Variants in CDH12 observed in about 807,000 individuals in gnomAD.
CDH12 encodes the protein cadherin-12.
Under a neutral mutation model 74.1 loss-of-function variants are expected in CDH12, and 41 were observed. That is an observed-to-expected ratio of 0.55 (90% CI 0.43 to 0.72). CDH12 has a LOEUF of 0.72. Among genes scored for constraint, CDH12 ranks in the 30% least tolerant of loss-of-function variants. The probability of loss-of-function intolerance (pLI) is 0.00; values close to 1 mark genes in which losing one functional copy is unlikely to be tolerated. For synonymous variants in CDH12, 399 were observed against 355.0 expected (o/e 1.12, Z -1.39); for missense variants, 945 against 977.2 (o/e 0.97, Z 0.44).
rs529149209 is a variant in CDH12, at chr5:21,973,601, T to G, written c.526+1490A>C. On this transcript the variant is annotated intron_variant, in intron 6 of 14. Coordinates refer to ENST00000382254, the MANE Select transcript of CDH12 (RefSeq NM_004061.5). The stretch of plus-strand genomic sequence containing the variant: ...ATACTGTAGAGGCATGTGTGTGTGT[T>G]TGCTTTAAGGAAGCTGTTTTGGTAC... 5.9e-5 allele frequency among the ~76,000 whole-genome samples: 9 copies of G among 152,310 alleles called. 1 individual carries two copies. The highest frequency in any genetic ancestry group is 1.9e-4 in the African/African-American group (8 of 41,580).
intron 11 of CDH12, among the ~76,000 whole-genome samples, chr5:21,772,352 C>A (rs1445956004): frequency 6.6e-6 from 1 of 151,952 alleles, no homozygotes; most frequent in Non-Finnish European, 1.5e-5. Context: ...GCACAGAGAC[C>A]ACAGAGAGAG....
At chr5:22,415,014 T>C (rs1743321492) in intron 2 of CDH12, among the ~76,000 whole-genome samples, 1 of 152,110 alleles carries the variant, frequency 6.6e-6, no homozygotes, top group Admixed American at 6.5e-5. Context: ...ATGTATCAGC[T>C]CACATATAGG....
At chr5:22,182,598 G>A (rs1404625593) in intron 4 of CDH12, among the ~76,000 whole-genome samples, 1 of 152,174 alleles carries the variant, frequency 6.6e-6, no homozygotes, top group Non-Finnish European at 1.5e-5. Flanking sequence ...AAAATAAAAG[G>A]AAGAGATGGA....
At chr5:22,301,724 C>A (rs6886526) in intron 3 of CDH12, among the ~76,000 whole-genome samples, 1 of 151,756 alleles carries the variant, frequency 6.6e-6, no homozygotes, top group Non-Finnish European at 1.5e-5. Flanking sequence ...CTCCATCCCA[C>A]GGGTTCAAGA....
chr5:22,813,089 A>G (rs1749225735), intron 1 of CDH12, among the ~76,000 whole-genome samples: 1 of 152,200 alleles, frequency 6.6e-6, no homozygotes, highest in Admixed American at 6.5e-5. Flanking sequence ...CCAGCTTTCA[A>G]ATTCAGGTTG....
chr5:21,885,085 C>G (rs1752558216), intron 6 of CDH12, among the ~76,000 whole-genome samples: 2 of 152,052 alleles, frequency 1.3e-5, no homozygotes. Context: ...TGGGGTTTCT[C>G]CATGTTGGTC....
intron 3 of CDH12, among the ~76,000 whole-genome samples, chr5:22,354,278 A>G (rs1355073512): frequency 6.6e-6 from 1 of 152,182 alleles, no homozygotes; most frequent in African/African-American, 2.4e-5. Context: ...AGGAATTCTT[A>G]AAGGACTAAA....
chr5:21,934,487 T>C (rs1754983016), intron 6 of CDH12, among the ~76,000 whole-genome samples: 1 of 152,200 alleles, frequency 6.6e-6, no homozygotes, highest in African/African-American at 2.4e-5. Flanking sequence ...AGTATTGATA[T>C]GGAAAACTCT....
rs570503883 is a variant in CDH12 at position 22,761,458 on chromosome 5, A to G, written c.-523+91600T>C. ...CACGGTGTGCCCCCCAGGAGTTTTC[A>G]TAATCACAAGTAAATGGTTATCCAC... On this transcript the variant is annotated intron_variant, in intron 1 of 14. Coordinates refer to ENST00000382254, the MANE Select transcript of CDH12 (RefSeq NM_004061.5). Among the ~76,000 whole-genome samples the G allele has an allele frequency of 7.2e-5, 11 of 152,300 alleles. 1 individual carries two copies. In the South Asian group the frequency reaches 2.3e-3, roughly 32 times the overall value.
intron 12 of CDH12, among the ~76,000 whole-genome samples, chr5:21,761,310 TA>T (rs1744705458): frequency 6.6e-6 from 1 of 152,118 alleles, no homozygotes; most frequent in South Asian, 2.1e-4. Flanking sequence ...GGTACTTCAA[TA>T]AAATGCCCTT....
intron 4 of CDH12, among the ~76,000 whole-genome samples, chr5:22,189,764 T>G (rs568871217): frequency 2.8e-4 from 43 of 152,092 alleles, no homozygotes; most frequent in African/African-American, 9.6e-4. Flanking sequence ...TTTTTAATCA[T>G]AGTGCTCAAT....
At chr5:22,302,010 G>C (rs1344892246) in intron 3 of CDH12, among the ~76,000 whole-genome samples, 1 of 46,334 alleles carries the variant, frequency 2.2e-5, no homozygotes, top group Non-Finnish European at 6.1e-5. Flanking sequence ...TATATATATG[G>C]AGAGAGAGAG....
intron 4 of CDH12, among the ~76,000 whole-genome samples, chr5:22,089,821 C>A (rs2150236418): frequency 6.7e-6 from 1 of 150,182 alleles, no homozygotes; most frequent in African/African-American, 2.5e-5. Flanking sequence ...CTAAAATAAC[C>A]AATTATTTAA....
chr5:21,867,307 G>A (rs6893640), intron 6 of CDH12, among the ~76,000 whole-genome samples: 145,732 of 152,256 alleles, frequency 0.96, 70,021 homozygotes, highest in Non-Finnish European at 1. Context: ...GTGAGCTGAG[G>A]TCACGCCATT....
chr5:21,891,253 TTTTGATAC>T (rs1752885023), intron 6 of CDH12, among the ~76,000 whole-genome samples: 2 of 151,968 alleles, frequency 1.3e-5, no homozygotes, highest in South Asian at 4.2e-4. Context: ...ACTCCTGGAG[TTTTGATAC>T]TACATTCTAG....
chr5:21,854,996 C>T (rs1033229519), intron 6 of CDH12, among the ~76,000 whole-genome samples: 5 of 151,672 alleles, frequency 3.3e-5, no homozygotes, highest in East Asian at 1.9e-4. Context: ...TTTAAATACG[C>T]ATTTTAAAAG....
At chr5:22,807,728 A>G (rs965766875) in intron 1 of CDH12, among the ~76,000 whole-genome samples, 2 of 152,202 alleles carry the variant, frequency 1.3e-5, no homozygotes, top group African/African-American at 2.4e-5. Context: ...TTGTGTATAT[A>G]AACATACCTA....
chr5:22,515,071 T>C (rs753687818), intron 1 of CDH12, among the ~76,000 whole-genome samples: 42 of 152,136 alleles, frequency 2.8e-4, no homozygotes, highest in Non-Finnish European at 4.3e-4. Context: ...GAGATAAAGG[T>C]ATAATTTTAA....
chr5:22,340,349 A>AC (rs1356216839), intron 3 of CDH12, among the ~76,000 whole-genome samples: 2 of 152,062 alleles, frequency 1.3e-5, no homozygotes, highest in Non-Finnish European at 2.9e-5. Flanking sequence ...ACAAGGTGAA[A>AC]CCCCATCTCT....
Sources: allele counts gnomAD v4.1 joint callset (sites outside exome capture counted in the v4.1 genomes callset), GRCh38; gene constraint gnomAD v4.1.1; transcripts MANE v1.5; gene names NCBI Gene and HGNC (gene_info 2026-07-23, HGNC 2026-07-21).